Variants in PIAS2 observed in about 807,000 individuals in gnomAD.
The protein encoded by PIAS2 is E3 SUMO-protein ligase PIAS2.
In PIAS2, 19 loss-of-function variants were observed where a neutral mutation model predicts 69.7. The ratio of observed to expected loss-of-function variants is 0.27; its 90% confidence interval spans 0.19 to 0.40. The LOEUF is 0.40. Among genes scored for constraint, PIAS2 ranks in the 10% least tolerant of loss-of-function variants. PIAS2 has a pLI of 1.00. For missense variants in PIAS2, 624 were observed against 757.0 expected (o/e 0.82, Z 2.06); for synonymous variants, 261 against 263.2 (o/e 0.99, Z 0.08).
At chr18:46,902,355 G>A (rs371914466) in intron 1 of PIAS2, among the ~76,000 whole-genome samples, 4 of 151,912 alleles carry the variant, frequency 2.6e-5, no homozygotes, top group South Asian at 2.1e-4. Context: ...CCGGGAGTTC[G>A]AAACCAGTCT....
At chr18:46,871,167 G>C (rs1048979956) in intron 2 of PIAS2, among the ~76,000 whole-genome samples, 2 of 152,172 alleles carry the variant, frequency 1.3e-5, no homozygotes, top group Non-Finnish European at 2.9e-5. Context: ...TAGAGAATTG[G>C]AAAGACTGGA....
intron 2 of PIAS2, among the ~76,000 whole-genome samples, chr18:46,888,939 A>G (rs530052915): frequency 9.2e-5 from 14 of 152,294 alleles, no homozygotes; most frequent in African/African-American, 3.1e-4. Context: ...CCTCACATAC[A>G]TGGTCAAATA....
rs147976468 is a variant in PIAS2 at position 46,900,765 on chromosome 18, G to A, written c.25-9711C>T. Reference sequence around the variant, plus strand: ...CCGAGGCGGGTGAATCACGAGGTCAGGCGTTCAAGACCAGCCTGGCCAAGA... The same window carrying A: ...CCGAGGCGGGTGAATCACGAGGTCAAGCGTTCAAGACCAGCCTGGCCAAGA... On this transcript the variant is annotated intron_variant, in intron 1 of 13. Coordinates refer to ENST00000585916, the MANE Select transcript of PIAS2 (RefSeq NM_004671.5). Among the ~76,000 whole-genome samples, 172 of 151,682 alleles carry A rather than the reference G, an allele frequency of 1.1e-3. 3 individuals carry two copies. In the East Asian group the frequency reaches 0.014, roughly 13 times the overall value.
intron 3 of PIAS2, among the ~76,000 whole-genome samples, chr18:46,860,415 G>A (rs539355223): frequency 1.3e-5 from 2 of 152,146 alleles, no homozygotes. Flanking sequence ...CCTAATGAGA[G>A]AAACCAGGGC....
Position 46,806,420 on chromosome 18 carries a change from T to C in PIAS2, c.*6013A>G, listed in dbSNP as rs1444823879. ...TCACCCAGGCTGGAGTACAGGGTCA[T>C]GATCCTGAGTCACTGCAACCTCCGC... On this transcript the variant is annotated 3_prime_UTR_variant, in exon 14 of 14. Transcript: ENST00000585916. 2.2e-5 allele frequency: 3 copies of C among 133,424 alleles called. No homozygotes were observed. The highest frequency in any genetic ancestry group is 8.1e-5 in the African/African-American group (3 of 36,994). The allele number at this position is 133,424 out of a possible 1,614,324, so 8.3% of individuals were successfully genotyped here.
intron 9 of PIAS2, among the ~76,000 whole-genome samples, chr18:46,834,279 A>T (rs1181666908): frequency 5.3e-5 from 8 of 151,116 alleles, no homozygotes; most frequent in Non-Finnish European, 8.8e-5. Flanking sequence ...AAGACTTGAT[A>T]AAAAAAAATG....
chr18:46,814,144 C>T, intron 13 of PIAS2, among the ~76,000 whole-genome samples: 1 of 152,102 alleles, frequency 6.6e-6, no homozygotes, highest in East Asian at 1.9e-4. Flanking sequence ...ATTGCAGCCA[C>T]TTAAGTTCTA....
Position 46,841,939 on chromosome 18 carries a change from G to T in PIAS2, c.1041+2115C>A, listed in dbSNP as rs528426468. Among the ~76,000 whole-genome samples the T allele has an allele frequency of 5.3e-5, 8 of 152,240 alleles. No homozygotes were observed. In the South Asian group the frequency reaches 8.3e-4, roughly 16 times the overall value. On this transcript the variant is annotated intron_variant, in intron 8 of 13. Transcript: ENST00000585916. ...CTGATACACTACTTTCACTATTATT[G>T]AAAGTTTGGCTAGGTGAGATGGCTC...
chr18:46,889,925 A>G (rs2053803357), intron 2 of PIAS2, among the ~76,000 whole-genome samples: 1 of 152,244 alleles, frequency 6.6e-6, no homozygotes, highest in African/African-American at 2.4e-5. Flanking sequence ...GCCTCTTGAA[A>G]GTGAGATTGA....
intron 1 of PIAS2, among the ~76,000 whole-genome samples, chr18:46,902,910 T>C (rs541398994): frequency 6.6e-6 from 1 of 152,246 alleles, no homozygotes; most frequent in South Asian, 2.1e-4. Flanking sequence ...AACAGACATA[T>C]ACATACATAC....
At chr18:46,917,126 C>G (rs2058047972) in intron 1 of PIAS2, 196 bp downstream of exon 1, 2 of 1,000,678 alleles carry the variant, frequency 2.0e-6, no homozygotes, top group Non-Finnish European at 2.4e-6. Context: ...CCCGCCGCCC[C>G]CGCGCCGCCC....
intron 2 of PIAS2, among the ~76,000 whole-genome samples, chr18:46,884,466 C>G (rs1159230652): frequency 3.3e-5 from 5 of 151,984 alleles, no homozygotes; most frequent in Admixed American, 6.6e-5. Flanking sequence ...GTGCCCGCCA[C>G]CACGCCGGCT....
intron 3 of PIAS2, among the ~76,000 whole-genome samples, chr18:46,856,007 T>G (rs865913440): frequency 5.9e-5 from 7 of 118,908 alleles, no homozygotes; most frequent in Non-Finnish European, 9.3e-5. Flanking sequence ...GTTTTTTTTT[T>G]TTTTTTTTTT....
At chr18:46,916,917 T>C (rs1280378377) in intron 1 of PIAS2, 3 of 985,318 alleles carry the variant, frequency 3.0e-6, no homozygotes, top group African/African-American at 1.7e-5. Flanking sequence ...ACCAAGTGAG[T>C]AGCATGCAGA....
intron 1 of PIAS2, among the ~76,000 whole-genome samples, chr18:46,905,185 A>G (rs989413263): frequency 6.6e-6 from 1 of 152,230 alleles, no homozygotes; most frequent in Non-Finnish European, 1.5e-5. Context: ...CATCACACTC[A>G]AACAGGCTGC....
At chr18:46,904,925 G>T (rs569279226) in intron 1 of PIAS2, among the ~76,000 whole-genome samples, 46 of 152,016 alleles carry the variant, frequency 3.0e-4, no homozygotes, top group African/African-American at 1.1e-3. Flanking sequence ...AAAATCGATA[G>T]AACTACAAAG....
At chr18:46,918,700 G>A (rs1200626994), upstream of PIAS2, among the ~76,000 whole-genome samples, 1 of 152,078 alleles carries the variant, frequency 6.6e-6, no homozygotes, top group East Asian at 1.9e-4. Context: ...GAGATTACAG[G>A]CGTGAGCCAC....
At chr18:46,840,170 G>T (rs983097516) in intron 8 of PIAS2, among the ~76,000 whole-genome samples, 12 of 149,640 alleles carry the variant, frequency 8.0e-5, no homozygotes, top group Non-Finnish European at 1.5e-5. Context: ...CAAAAAGAAA[G>T]AAAAAGAAAA....
intron 11 of PIAS2, among the ~76,000 whole-genome samples, chr18:46,822,069 T>C (rs948524435): frequency 3.3e-5 from 5 of 152,210 alleles, no homozygotes; most frequent in Non-Finnish European, 7.3e-5. Flanking sequence ...TAGACTGGGA[T>C]AACCTCTGGG....
Sources: gnomAD v4.1 joint callset for allele counts (sites outside exome capture counted in the v4.1 genomes callset) on GRCh38, gnomAD v4.1.1 for gene constraint, MANE v1.5 for transcripts, NCBI Gene and HGNC (gene_info 2026-07-23, HGNC 2026-07-21) for gene names.